PRKN: variants seen among roughly 807,000 people sequenced by gnomAD.
PRKN encodes the protein parkin RBR E3 ubiquitin protein ligase, also known as E3 ubiquitin-protein ligase parkin.
Under a neutral mutation model 59.5 loss-of-function variants are expected in PRKN, and 56 were observed. That is an observed-to-expected ratio of 0.94 (90% CI 0.76 to 1.18). The LOEUF (loss-of-function observed/expected upper bound fraction) is 1.18. Ranked by LOEUF, PRKN falls within the 50% of genes most tolerant of loss-of-function variation. The pLI, the probability that PRKN is intolerant of heterozygous loss-of-function variation, is 0.00. For missense variants in PRKN, 657 were observed against 596.4 expected (o/e 1.10, Z -1.06); for synonymous variants, 250 against 222.1 (o/e 1.13, Z -1.12).
At chr6:161,860,937 C>T (rs528241820) in intron 6 of PRKN, among the ~76,000 whole-genome samples, 1 of 152,334 alleles carries the variant, frequency 6.6e-6, no homozygotes, top group South Asian at 2.1e-4. Context: ...ACAACAGATG[C>T]TGGCAAAGCT....
intron 1 of PRKN, among the ~76,000 whole-genome samples, chr6:162,670,839 T>C (rs979535703): frequency 1.3e-5 from 2 of 152,242 alleles, no homozygotes; most frequent in Non-Finnish European, 2.9e-5. Context: ...TGAACCATAA[T>C]ATTTTGCAGC....
At chr6:162,321,740 A>G (rs1426381737) in intron 2 of PRKN, among the ~76,000 whole-genome samples, 1 of 152,012 alleles carries the variant, frequency 6.6e-6, no homozygotes, top group African/African-American at 2.4e-5. Flanking sequence ...ATGGTAAGAG[A>G]GTGAAAAAGA....
At chr6:162,285,912 G>A (rs1036570698) in intron 2 of PRKN, among the ~76,000 whole-genome samples, 1 of 152,182 alleles carries the variant, frequency 6.6e-6, no homozygotes, top group African/African-American at 2.4e-5. Context: ...ATAAATGTGT[G>A]GCGGCGGGGG....
At position 161,956,952 on chromosome 6, in the gene PRKN, T is replaced by G. The variant is rs73783660; in HGVS notation, c.734+16350A>C. On this transcript the variant is annotated intron_variant, in intron 6 of 11. Coordinates refer to ENST00000366898, the MANE Select transcript of PRKN (RefSeq NM_004562.3). Reference sequence around the variant, plus strand: ...GTTGTCACCGGCATTCCTGGTCATTTTCTTTGTGCATCCTGTACACGTGTG... The same window carrying G: ...GTTGTCACCGGCATTCCTGGTCATTGTCTTTGTGCATCCTGTACACGTGTG... Among the ~76,000 whole-genome samples, 1,284 of 152,312 alleles carry G rather than the reference T, an allele frequency of 8.4e-3. 19 individuals are homozygous for G. The highest frequency in any genetic ancestry group is 0.03 in the African/African-American group (1,246 of 41,560).
intron 7 of PRKN, among the ~76,000 whole-genome samples, chr6:161,653,593 C>T (rs772564655): frequency 1.2e-4 from 18 of 152,202 alleles, no homozygotes; most frequent in Non-Finnish European, 2.6e-4. Context: ...GTTCCACTAA[C>T]TGCAACATTC....
intron 5 of PRKN, among the ~76,000 whole-genome samples, chr6:162,003,637 A>T (rs1024195721): frequency 6.6e-6 from 1 of 152,140 alleles, no homozygotes; most frequent in Admixed American, 6.5e-5. Context: ...GTATTCGTTC[A>T]TTTTTATTGC....
At chr6:161,660,839 A>G (rs186715686) in intron 7 of PRKN, among the ~76,000 whole-genome samples, 25 of 152,238 alleles carry the variant, frequency 1.6e-4, no homozygotes, top group African/African-American at 6.0e-4. Flanking sequence ...TGAACATCCC[A>G]TTGGATGCTG....
intron 1 of PRKN, among the ~76,000 whole-genome samples, chr6:162,607,948 G>A (rs1195254514): frequency 1.3e-5 from 2 of 152,224 alleles, no homozygotes; most frequent in Non-Finnish European, 2.9e-5. Context: ...GACAAGCAGT[G>A]CTGAGAGCTC....
chr6:162,197,971 G>A (rs1784561072), intron 4 of PRKN, among the ~76,000 whole-genome samples: 1 of 152,284 alleles, frequency 6.6e-6, no homozygotes, highest in South Asian at 2.1e-4. Context: ...AAGGCTTACA[G>A]GCTCTTCGAA....
chr6:161,512,478 G>C (rs6900002), intron 9 of PRKN, among the ~76,000 whole-genome samples: 12,247 of 152,218 alleles, frequency 0.08, 711 homozygotes, highest in African/African-American at 0.16. Flanking sequence ...GGGACACCTC[G>C]TTGGTAGGGA....
chr6:161,697,234 C>A (rs555473221), intron 7 of PRKN, among the ~76,000 whole-genome samples: 1 of 152,132 alleles, frequency 6.6e-6, no homozygotes, highest in Non-Finnish European at 1.5e-5. Context: ...GAAACTCATC[C>A]TCTGGTAATG....
At chr6:162,161,089 C>G (rs1417623397) in intron 4 of PRKN, among the ~76,000 whole-genome samples, 1 of 152,110 alleles carries the variant, frequency 6.6e-6, no homozygotes, top group Non-Finnish European at 1.5e-5. Context: ...TACTCCAACC[C>G]TTAGGGTCTT....
At chr6:161,824,313 G>C (rs746008952) in intron 6 of PRKN, among the ~76,000 whole-genome samples, 1 of 152,158 alleles carries the variant, frequency 6.6e-6, no homozygotes, top group East Asian at 1.9e-4. Context: ...TGCAAGGTGC[G>C]ATTCTCATCA....
intron 6 of PRKN, among the ~76,000 whole-genome samples, chr6:161,896,097 A>G (rs151162185): frequency 5.9e-5 from 9 of 152,318 alleles, no homozygotes; most frequent in African/African-American, 2.2e-4. Flanking sequence ...CGGGTGATGA[A>G]TAAATTATGT....
chr6:161,667,214 TCACACCACTACAGGATAAACTCCA>T (rs1784757862), intron 7 of PRKN, among the ~76,000 whole-genome samples: 1 of 152,112 alleles, frequency 6.6e-6, no homozygotes, highest in South Asian at 2.1e-4. Context: ...ACCCTGGATC[TCACACCACTACAGGATAAACTCCA>T]CAGTTCCTAG....
intron 9 of PRKN, among the ~76,000 whole-genome samples, chr6:161,535,906 A>G (rs1318973158): frequency 3.3e-5 from 5 of 152,164 alleles, no homozygotes. Flanking sequence ...TAACGTCAGA[A>G]TAATATAATG....
intron 2 of PRKN, chr6:162,264,897 C>A (rs1305647550): frequency 1.3e-5 from 2 of 152,088 alleles, no homozygotes; most frequent in African/African-American, 2.4e-5. Flanking sequence ...GGCAAGGCAC[C>A]AACAGTTAGC....
chr6:161,380,549 T>C (rs1278183861), intron 10 of PRKN, among the ~76,000 whole-genome samples: 1 of 150,772 alleles, frequency 6.6e-6, no homozygotes, highest in Non-Finnish European at 1.5e-5. Context: ...ACCAAGTCTA[T>C]CTTTAATGTT....
At chr6:162,401,546 A>G (rs1013687772) in intron 2 of PRKN, among the ~76,000 whole-genome samples, 2 of 152,164 alleles carry the variant, frequency 1.3e-5, no homozygotes, top group Non-Finnish European at 2.9e-5. Flanking sequence ...TAATTTATTG[A>G]ATACTGAAAG....
Sources: gnomAD v4.1 joint callset for allele counts (sites outside exome capture counted in the v4.1 genomes callset) on GRCh38, gnomAD v4.1.1 for gene constraint, MANE v1.5 for transcripts, NCBI Gene and HGNC (gene_info 2026-07-23, HGNC 2026-07-21) for gene names.